NEK11: variants seen among roughly 807,000 people sequenced by gnomAD.
NEK11 encodes the protein serine/threonine-protein kinase Nek11.
Under a neutral mutation model 80.7 loss-of-function variants are expected in NEK11, and 72 were observed. The observed-to-expected ratio is 0.89, with a 90% CI of 0.74 to 1.08. NEK11 has a LOEUF of 1.08. Ranked by LOEUF, NEK11 falls within the 50% of genes least tolerant of loss-of-function variation. The probability of loss-of-function intolerance (pLI) is 0.00; values close to 1 mark genes in which losing one functional copy is unlikely to be tolerated. For synonymous variants in NEK11, 251 were observed against 260.7 expected, an observed-to-expected ratio of 0.96 and a Z score of 0.36; for missense variants, 764 against 763.6, an observed-to-expected ratio of 1.00 and a Z score of -0.01.
chr3:131,126,835 C>T (rs1375354085), intron 5 of NEK11, among the ~76,000 whole-genome samples: 2 of 152,016 alleles, frequency 1.3e-5, no homozygotes, highest in Non-Finnish European at 2.9e-5. Flanking sequence ...TAGACCATCA[C>T]ATTCTGTTCT....
intron 4 of NEK11, among the ~76,000 whole-genome samples, chr3:131,095,207 T>G (rs2077261889): frequency 6.6e-6 from 1 of 152,130 alleles, no homozygotes; most frequent in Non-Finnish European, 1.5e-5. Context: ...TAGCAACCAA[T>G]TAATTGGTGT....
intron 4 of NEK11, among the ~76,000 whole-genome samples, chr3:131,087,176 A>G (rs1363148028): frequency 6.7e-6 from 1 of 148,408 alleles, no homozygotes; most frequent in Non-Finnish European, 1.5e-5. Context: ...TACCTCTGAG[A>G]TTTTGTCGTG....
At chr3:131,215,869 G>A (rs1034408965) in intron 14 of NEK11, among the ~76,000 whole-genome samples, 6 of 152,204 alleles carry the variant, frequency 3.9e-5, no homozygotes, top group Non-Finnish European at 8.8e-5. Context: ...TGGCCAAACT[G>A]AAAGCGGAGG....
At chr3:131,166,179 C>CAA (rs2092208098) in intron 12 of NEK11, among the ~76,000 whole-genome samples, 1 of 152,242 alleles carries the variant, frequency 6.6e-6, no homozygotes, top group South Asian at 2.1e-4. Context: ...ATACCAACCT[C>CAA]ATAGCACTTC....
chr3:131,193,882 G>A (rs567051094), intron 14 of NEK11, among the ~76,000 whole-genome samples: 1 of 152,290 alleles, frequency 6.6e-6, no homozygotes, highest in East Asian at 1.9e-4. Context: ...ACTAGGCACA[G>A]CAGTTTTTCA....
intron 17 of NEK11, among the ~76,000 whole-genome samples, chr3:131,284,996 T>G (rs1284543825): frequency 6.6e-6 from 1 of 152,224 alleles, no homozygotes; most frequent in Non-Finnish European, 1.5e-5. Flanking sequence ...ATCTATCCTA[T>G]TAGTTCTGTC....
intron 14 of NEK11, among the ~76,000 whole-genome samples, chr3:131,198,450 A>G (rs2094109540): frequency 6.6e-6 from 1 of 152,210 alleles, no homozygotes. Context: ...ATAGAGCCTG[A>G]TATTTAAGTA....
chr3:131,054,831 T>C (rs2069139021), intron 3 of NEK11, among the ~76,000 whole-genome samples: 1 of 152,020 alleles, frequency 6.6e-6, no homozygotes, highest in Non-Finnish European at 1.5e-5. Context: ...TTGCTGAAGA[T>C]GGCTAAGGGA....
chr3:131,076,894 C>T (rs1466739016), intron 3 of NEK11, among the ~76,000 whole-genome samples: 3 of 152,188 alleles, frequency 2.0e-5, no homozygotes, highest in East Asian at 1.9e-4. Flanking sequence ...GTAGTGATTT[C>T]ACCTTTTACC....
chr3:131,033,790 A>C (rs1242366369), intron 3 of NEK11, among the ~76,000 whole-genome samples: 3 of 152,206 alleles, frequency 2.0e-5, no homozygotes, highest in African/African-American at 7.2e-5. Context: ...TAAAACCTAC[A>C]GTACAGACAT....
At chr3:131,098,858 C>T (rs923730713) in intron 4 of NEK11, among the ~76,000 whole-genome samples, 7 of 151,700 alleles carry the variant, frequency 4.6e-5, no homozygotes, top group Non-Finnish European at 1.0e-4. Flanking sequence ...ATTTAACTTC[C>T]TTATAGATTC....
chr3:131,344,874 G>A (rs141977523), intron 17 of NEK11, among the ~76,000 whole-genome samples: 1 of 152,236 alleles, frequency 6.6e-6, no homozygotes, highest in Non-Finnish European at 1.5e-5. Context: ...CAGCTCCCAA[G>A]ACCCAAACAC....
chr3:131,029,971 G>C, intron 3 of NEK11, 93 bp downstream of exon 3: 1 of 1,189,866 alleles, frequency 8.4e-7, no homozygotes, highest in Non-Finnish European at 1.2e-6. Context: ...CAGGTATGGT[G>C]GCTCATGCCT....
chr3:131,224,665 G>A (rs1210787974), intron 14 of NEK11, among the ~76,000 whole-genome samples: 2 of 152,306 alleles, frequency 1.3e-5, no homozygotes, highest in East Asian at 1.9e-4. Context: ...TGGAGGCTCC[G>A]TGTGTGTTAC....
At chr3:131,179,658 G>C (rs74411219) in intron 14 of NEK11, among the ~76,000 whole-genome samples, 1 of 151,888 alleles carries the variant, frequency 6.6e-6, no homozygotes, top group Non-Finnish European at 1.5e-5. Flanking sequence ...TATTCTTATT[G>C]GAAAATGAGT....
At chr3:131,097,578 G>T (rs2077634419) in intron 4 of NEK11, among the ~76,000 whole-genome samples, 2 of 152,104 alleles carry the variant, frequency 1.3e-5, no homozygotes, top group African/African-American at 4.8e-5. Flanking sequence ...TTTTTGATGG[G>T]GTTGTTTGTT....
At chr3:131,332,570 C>G (rs1364453795) in intron 17 of NEK11, among the ~76,000 whole-genome samples, 1 of 152,218 alleles carries the variant, frequency 6.6e-6, no homozygotes, top group African/African-American at 2.4e-5. Context: ...CTCTCCTCCT[C>G]CAAAGGAACG....
intron 2 of NEK11, 64 bp downstream of exon 2, chr3:131,028,066 A>G (rs1279766184): frequency 2.0e-5 from 3 of 152,234 alleles, no homozygotes; most frequent in Non-Finnish European, 4.4e-5. Context: ...TATGACAGTG[A>G]AGGGGAAGTA....
At chr3:131,164,896 C>A (rs1385105611) in intron 11 of NEK11, among the ~76,000 whole-genome samples, 1 of 152,186 alleles carries the variant, frequency 6.6e-6, no homozygotes, top group Non-Finnish European at 1.5e-5. Context: ...CACAAGTAAT[C>A]ATAAGAACTC....
Sources: allele counts gnomAD v4.1 joint callset (sites outside exome capture counted in the v4.1 genomes callset), GRCh38; gene constraint gnomAD v4.1.1; transcripts MANE v1.5; gene names NCBI Gene and HGNC (gene_info 2026-07-23, HGNC 2026-07-21).